Variants in CARM1 observed in about 807,000 individuals in gnomAD.
CARM1 encodes coactivator associated arginine methyltransferase 1.
In CARM1, 14 loss-of-function variants were observed where a neutral mutation model predicts 72.7. The observed-to-expected ratio is 0.19, with a 90% confidence interval of 0.13 to 0.30. The LOEUF (loss-of-function observed/expected upper bound fraction) is 0.30, where lower values mean the gene tolerates loss of function less well. Ranked by LOEUF, CARM1 falls within the 10% of genes least tolerant of loss-of-function variation. The pLI, the probability that CARM1 is intolerant of heterozygous loss-of-function variation, is 1.00. For synonymous variants in CARM1, 333 were observed against 345.5 expected, an observed-to-expected ratio of 0.96 and a Z score of 0.40; for missense variants, 432 against 833.7, an observed-to-expected ratio of 0.52 and a Z score of 5.93.
chr19:10,920,315 C>T lies in CARM1; in HGVS notation c.1197-121C>T, dbSNP rs2074231610. 9 of 1,212,116 alleles carry T rather than the reference C, an allele frequency of 7.4e-6. No individual in the cohort carries two copies. Among genetic ancestry groups the T allele is most frequent in the Non-Finnish European group, 1.0e-5 (9 of 877,604 alleles). 75.1% of individuals were successfully genotyped at this position (1,212,116 alleles called of 1,614,324 possible). A position where few individuals can be genotyped will look rare whatever the true frequency, so the allele number is the denominator to read the frequency against. On this transcript the variant is annotated intron_variant, in intron 10 of 15. Coordinates refer to ENST00000327064, the MANE Select transcript of CARM1 (RefSeq NM_199141.2). The surrounding 1 kb of genome is among the most constrained non-coding windows in gnomAD (Gnocchi z 5.3). ...CCTGGGGGCCAGCCTGTCTCTGCTC[C>T]AGGGTCCCAGGGGTCCCTGGCAGAG...
chr19:10,871,876 C>G lies in CARM1; in HGVS notation c.174C>G (p.Leu58=). ...QRHAEQQALR[L]EVRAGPDSAG... is the part of the protein sequence containing the mutation. ...ACGCGGAGCAGCAGGCGCTGCGCCTCGAGGTGCGCGCCGGCCCGGACTCGG... is the reference window on the plus strand; with the variant it reads ...ACGCGGAGCAGCAGGCGCTGCGCCTGGAGGTGCGCGCCGGCCCGGACTCGG... The change falls in exon 1 of 16, where the codon CTC becomes CTG. Residue 58 remains leucine, a synonymous_variant. Coordinates refer to ENST00000327064, the MANE Select transcript of CARM1 (RefSeq NM_199141.2). The surrounding 1 kb of genome is among the most constrained non-coding windows in gnomAD (Gnocchi z 5.6). 2.4e-6 allele frequency: 3 copies of G among 1,262,878 alleles called. No homozygotes were observed. The highest frequency in any genetic ancestry group is 3.0e-6 in the Non-Finnish European group (3 of 999,464). The allele number at this position is 1,262,878 out of a possible 1,614,324, so 78.2% of individuals were successfully genotyped here.
intron 1 of CARM1, among the ~76,000 whole-genome samples, chr19:10,900,442 C>T (rs1012930484): frequency 5.3e-5 from 8 of 152,196 alleles, no homozygotes; most frequent in Admixed American, 3.3e-4. Flanking sequence ...TAAATAGAAT[C>T]ATTTGTGTCT....
At position 10,916,452 on chromosome 19, in the gene CARM1, C is replaced by T. The variant is rs199572188; in HGVS notation, c.893C>T (p.Thr298Met). The T allele has an allele frequency of 5.6e-6, 9 of 1,613,796 alleles. No homozygotes were observed. Among genetic ancestry groups the T allele is most frequent in the Middle Eastern group, 1.6e-4 (1 of 6,084 alleles). Residue 298 changes from threonine to methionine, a missense_variant, in exon 7 of 16, where the codon ACG becomes ATG. Coordinates refer to ENST00000327064, the MANE Select transcript of CARM1 (RefSeq NM_199141.2). The surrounding 1 kb of genome is among the most constrained non-coding windows in gnomAD (Gnocchi z 4.4). The stretch of plus-strand genomic sequence containing the variant: ...GGTGACGTCCACCTTGCACCCTTCA[C>T]GGATGAACAGCTCTACATGGAGCAG... ...TIGDVHLAPF[T>M]DEQLYMEQFT...
chr19:10,913,902 C>G lies in CARM1; in HGVS notation c.695C>G (p.Thr232Arg). The G allele has an allele frequency of 1.2e-6, 2 of 1,613,286 alleles. No homozygotes were observed. The highest frequency in any genetic ancestry group is 1.7e-6 in the Non-Finnish European group (2 of 1,179,858). Residue 232 changes from threonine (T) to arginine (R), a missense_variant, in exon 6 of 16, where the codon ACG (threonine) becomes AGG (arginine). By Grantham distance (71) the Thr-to-Arg change is moderately conservative. Around this residue, in one of 3 missense-constraint regions of CARM1, gnomAD observed 152 missense variants for 452.8 expected, o/e 0.34. Transcript: ENST00000327064. ...GTCTTGGTGAAGAGTAACAACCTGA[C>G]GGACCGCATCGTGGTCATCCCGGGC... The part of the protein sequence containing the change: ...AEVLVKSNNL[T>R]DRIVVIPGKV...
rs2074283463 is a variant in CARM1 at position 10,922,920 on chromosome 19, G to A, written c.*1163G>A. The stretch of plus-strand genomic sequence containing the variant: ...CCCCTTGGCTCTCCCTCCTGTTCCA[G>A]GGGAGCCATAGGAGGGAAAGCAGGT... On this transcript the variant is annotated 3_prime_UTR_variant, in exon 16 of 16. Coordinates refer to ENST00000327064, the MANE Select transcript of CARM1 (RefSeq NM_199141.2). The A allele has an allele frequency of 5.3e-6, 1 of 189,770 alleles. No homozygotes were observed. The highest frequency in any genetic ancestry group is 6.3e-5 in the Admixed American group (1 of 15,886). The allele number at this position is 189,770 out of a possible 1,614,324, so 11.8% of individuals were successfully genotyped here.
chr19:10,921,673 C>T lies in CARM1; in HGVS notation c.1743C>T (p.Asn581=). ...GGSTSAHYAV[N]SQFTMGGPAI... is the part of the protein sequence containing the mutation. ...GCACGAGTGCCCACTATGCAGTCAACAGCCAGTTCACCATGGGCGGCCCCG... is the reference window on the plus strand; with the variant it reads ...GCACGAGTGCCCACTATGCAGTCAATAGCCAGTTCACCATGGGCGGCCCCG... Residue 581 remains asparagine, a synonymous_variant, in exon 16 of 16, where the codon AAC becomes AAT. Transcript: ENST00000327064. 1 of 1,613,644 alleles carries T rather than the reference C, an allele frequency of 6.2e-7. No individual in the cohort carries two copies. Among genetic ancestry groups the T allele is most frequent in the African/African-American group, 1.3e-5 (1 of 75,060 alleles).
At position 10,909,426 on chromosome 19, in the gene CARM1, T is replaced by C. The variant is rs537602095; in HGVS notation, c.558+219T>C. Among the ~76,000 whole-genome samples the C allele has an allele frequency of 2.8e-5, 4 of 141,362 alleles. No individual in the cohort carries two copies. In the South Asian group the frequency reaches 9.0e-4, roughly 32 times the overall value. 92.7% of individuals were successfully genotyped at this position (141,362 alleles called of 152,430 possible). On this transcript the variant is annotated intron_variant, in intron 4 of 15. Coordinates refer to ENST00000327064, the MANE Select transcript of CARM1 (RefSeq NM_199141.2). Reference sequence around the variant, plus strand: ...AGCCTGGGCGACAGAGCGAGACTCTTGTCTCTTAAAAAAAAACAAATAAAC... The same window carrying C: ...AGCCTGGGCGACAGAGCGAGACTCTCGTCTCTTAAAAAAAAACAAATAAAC...
intron 1 of CARM1, among the ~76,000 whole-genome samples, chr19:10,902,014 C>G (rs1198246583): frequency 1.3e-5 from 2 of 152,072 alleles, no homozygotes; most frequent in African/African-American, 2.4e-5. Flanking sequence ...GACGCCGAGG[C>G]AGACAGAGCG....
chr19:10,908,394 G>A (rs181673927), intron 3 of CARM1, among the ~76,000 whole-genome samples: 1 of 152,304 alleles, frequency 6.6e-6, no homozygotes, highest in East Asian at 1.9e-4. Flanking sequence ...TGGAGCTCAG[G>A]GCCACAGGCG....
At chr19:10,879,273 A>C (rs1465872298) in intron 1 of CARM1, among the ~76,000 whole-genome samples, 1 of 152,218 alleles carries the variant, frequency 6.6e-6, no homozygotes, top group Non-Finnish European at 1.5e-5. Flanking sequence ...TAGCTGATGC[A>C]AGGTGCTTCA....
chr19:10,876,713 C>T (rs1181104047), intron 1 of CARM1, among the ~76,000 whole-genome samples: 2 of 152,230 alleles, frequency 1.3e-5, no homozygotes, highest in African/African-American at 4.8e-5. Context: ...GGCCCTTTGG[C>T]GTGGGCTTCC....
chr19:10,913,933 G>A lies in CARM1; in HGVS notation c.726G>A (p.Val242=), dbSNP rs1325180685. ...TDRIVVIPGK[V]EEVSLPEQVD... is the part of the protein sequence containing the mutation. Reference sequence around the variant, plus strand: ...GCATCGTGGTCATCCCGGGCAAGGTGGAGGAGGTGTCACTCCCCGAGCAGG... The same window carrying A: ...GCATCGTGGTCATCCCGGGCAAGGTAGAGGAGGTGTCACTCCCCGAGCAGG... The change falls in exon 6 of 16, where the codon GTG becomes GTA. Residue 242 remains valine, a synonymous_variant. Coordinates refer to ENST00000327064, the MANE Select transcript of CARM1 (RefSeq NM_199141.2). 6 of 1,613,736 alleles carry A rather than the reference G, an allele frequency of 3.7e-6. No individual in the cohort carries two copies. The African/African-American group carries it at 6.7e-5, about 18-fold the overall frequency.
At chr19:10,875,361 G>A (rs535432574) in intron 1 of CARM1, among the ~76,000 whole-genome samples, 2 of 151,328 alleles carry the variant, frequency 1.3e-5, no homozygotes, top group African/African-American at 2.4e-5. Flanking sequence ...ATGGAGTCTC[G>A]CCGTGTTATA....
intron 1 of CARM1, among the ~76,000 whole-genome samples, chr19:10,886,773 G>A (rs932696663): frequency 1.3e-5 from 2 of 152,040 alleles, no homozygotes; most frequent in African/African-American, 4.8e-5. Context: ...AGGAGTTGCA[G>A]CAAGCCGAGG....
chr19:10,885,797 T>C (rs1443968266), intron 1 of CARM1, among the ~76,000 whole-genome samples: 1 of 151,890 alleles, frequency 6.6e-6, no homozygotes, highest in Non-Finnish European at 1.5e-5. Flanking sequence ...GATGATGGGA[T>C]GCCTGGCTCT....
chr19:10,873,954 T>A (rs1239718772), intron 1 of CARM1, among the ~76,000 whole-genome samples: 2 of 152,188 alleles, frequency 1.3e-5, no homozygotes, highest in East Asian at 3.9e-4. Flanking sequence ...AATTTTAGTC[T>A]TATAGATGTA....
Position 10,922,012 on chromosome 19 carries a change from T to C in CARM1, c.*255T>C, listed in dbSNP as rs569488810. On this transcript the variant is annotated 3_prime_UTR_variant, in exon 16 of 16. Coordinates refer to ENST00000327064, the MANE Select transcript of CARM1 (RefSeq NM_199141.2). ...TTGTGGGAGCCCTCGTCCCCCCTCC[T>C]GCCCGCTCTACCCTGACCTGGGCTT... 5.9e-4 allele frequency: 228 copies of C among 384,674 alleles called. No homozygotes were observed. The highest frequency in any genetic ancestry group is 4.3e-3 in the African/African-American group (205 of 47,272). 23.8% of individuals were successfully genotyped at this position (384,674 alleles called of 1,614,324 possible). A position where few individuals can be genotyped will look rare whatever the true frequency, so the allele number is the denominator to read the frequency against.
At position 10,912,149 on chromosome 19, in the gene CARM1, C is replaced by G. The variant is rs751141998; in HGVS notation, c.559-35C>G. On this transcript the variant is annotated intron_variant, in intron 4 of 15. Transcript: ENST00000327064. This position sits in a 1 kb window ranked among gnomAD's most constrained non-coding sequence, Gnocchi z 4.5. ...GTCACCTCCCCATCACCGTCGCCTC[C>G]TATGTCTCGCTCTCACCTCCCACTC... 6.6e-7 allele frequency: 1 copy of G among 1,516,876 alleles called. No individual in the cohort carries two copies. The highest frequency in any genetic ancestry group is 9.2e-7 in the Non-Finnish European group (1 of 1,091,118). 94.0% of individuals were successfully genotyped at this position (1,516,876 alleles called of 1,614,324 possible). A position where few individuals can be genotyped will look rare whatever the true frequency, so the allele number is the denominator to read the frequency against.
chr19:10,900,521 T>G (rs1599698542), intron 1 of CARM1, among the ~76,000 whole-genome samples: 1 of 152,332 alleles, frequency 6.6e-6, no homozygotes, highest in Middle Eastern at 3.4e-3. Flanking sequence ...TCCTTTATTT[T>G]TATGGCTGAA....
Sources: gnomAD v4.1 joint callset for allele counts (sites outside exome capture counted in the v4.1 genomes callset) on GRCh38, gnomAD v4.1.1 for gene constraint, gnomAD v4.1.1 regional missense constraint, Gnocchi (gnomAD v3.1) non-coding constraint, MANE v1.5 for transcripts, NCBI Gene and HGNC (gene_info 2026-07-23, HGNC 2026-07-21) for gene names.